Variants in AOAH observed in about 807,000 individuals in gnomAD.
The protein encoded by AOAH is acyloxyacyl hydrolase (neutrophil).
AOAH carries 64 observed loss-of-function variants against 92.2 expected under a neutral mutation model. That is an observed-to-expected ratio of 0.69 (90% confidence interval 0.57 to 0.86). The LOEUF (loss-of-function observed/expected upper bound fraction) is 0.86, where lower values mean the gene tolerates loss of function less well. Ranked by LOEUF, AOAH falls within the 40% of genes least tolerant of loss-of-function variation. AOAH has a pLI of 0.00. For synonymous variants in AOAH, 263 were observed against 254.5 expected (o/e 1.03, Z -0.32); for missense variants, 656 against 694.6 (o/e 0.94, Z 0.62).
Position 36,515,570 on chromosome 7 carries a change from C to A in AOAH, c.1600-2190G>T, listed in dbSNP as rs571809596. Among the ~76,000 whole-genome samples, 559 of 104,870 alleles carry A rather than the reference C, an allele frequency of 5.3e-3. 18 individuals are homozygous for A. The highest frequency in any genetic ancestry group is 0.02 in the African/African-American group (533 of 26,166). 68.8% of individuals were successfully genotyped at this position (104,870 alleles called of 152,430 possible). A position where few individuals can be genotyped will look rare whatever the true frequency, so the allele number is the denominator to read the frequency against. On this transcript the variant is annotated intron_variant, in intron 20 of 20. Coordinates refer to ENST00000617537, the MANE Select transcript of AOAH (RefSeq NM_001637.4). ...CACGCCACACACACATAATCACACC[C>A]CCCCCACACACCACACACATACCAC...
At chr7:36,610,126 C>CT (rs68170280) in intron 11 of AOAH, among the ~76,000 whole-genome samples, 50,251 of 89,254 alleles carry the variant, frequency 0.56, 11,669 homozygotes, top group Non-Finnish European at 0.61. Context: ...TTTCTTTTTT[C>CT]TTTTTTTTTT....
intron 2 of AOAH, among the ~76,000 whole-genome samples, chr7:36,684,647 C>T (rs893718221): frequency 3.9e-5 from 6 of 151,988 alleles, no homozygotes; most frequent in Non-Finnish European, 5.9e-5. Context: ...GGCACAGTGG[C>T]TCACAACACA....
rs1370637025 is a variant in AOAH at position 36,513,044 on chromosome 7, C to G, written c.*208G>C. 1 of 1,538,336 alleles carries G rather than the reference C, an allele frequency of 6.5e-7. No individual in the cohort carries two copies. The highest frequency in any genetic ancestry group is 8.7e-7 in the Non-Finnish European group (1 of 1,147,394). Reference sequence around the variant, plus strand: ...ACTTTATGAAAGGTTATTTCAGGAACAGCGGAAGGGTTACTGATCCCGGGA... The same window carrying G: ...ACTTTATGAAAGGTTATTTCAGGAAGAGCGGAAGGGTTACTGATCCCGGGA... On this transcript the variant is annotated 3_prime_UTR_variant, in exon 21 of 21. Transcript: ENST00000617537.
intron 13 of AOAH, among the ~76,000 whole-genome samples, chr7:36,568,810 G>A (rs1204962799): frequency 6.6e-6 from 1 of 152,062 alleles, no homozygotes; most frequent in African/African-American, 2.4e-5. Flanking sequence ...GGCCTGAATT[G>A]TGCCCCTTTT....
chr7:36,562,763 T>C (rs1248434117), intron 13 of AOAH, among the ~76,000 whole-genome samples: 1 of 152,160 alleles, frequency 6.6e-6, no homozygotes, highest in Non-Finnish European at 1.5e-5. Context: ...TTTGGTCCTG[T>C]AGCCAGAAAG....
intron 16 of AOAH, among the ~76,000 whole-genome samples, chr7:36,536,343 T>G (rs971009831): frequency 1.3e-5 from 2 of 152,220 alleles, no homozygotes; most frequent in Non-Finnish European, 2.9e-5. Flanking sequence ...ACCACATTTC[T>G]AGGCCCAAAT....
chr7:36,664,913 G>A (rs1161760242), intron 3 of AOAH, among the ~76,000 whole-genome samples: 3 of 152,018 alleles, frequency 2.0e-5, no homozygotes, highest in Admixed American at 2.0e-4. Flanking sequence ...AGAGTGAGGG[G>A]GAAAGTACCA....
intron 1 of AOAH, among the ~76,000 whole-genome samples, chr7:36,716,064 G>A (rs1160942909): frequency 1.3e-5 from 2 of 152,044 alleles, no homozygotes; most frequent in East Asian, 1.9e-4. Flanking sequence ...GAAAATTTTT[G>A]CAACCTACTC....
chr7:36,667,912 A>G (rs964199477), intron 3 of AOAH, among the ~76,000 whole-genome samples: 1 of 152,150 alleles, frequency 6.6e-6, no homozygotes, highest in Non-Finnish European at 1.5e-5. Context: ...AGCTTTCTCT[A>G]TCTCCTTTTA....
At chr7:36,555,639 A>G (rs1334830023) in intron 13 of AOAH, among the ~76,000 whole-genome samples, 5 of 151,986 alleles carry the variant, frequency 3.3e-5, no homozygotes, top group African/African-American at 4.8e-5. Flanking sequence ...TTGGTAAGCT[A>G]TTGATTATTG....
At chr7:36,677,562 T>C (rs1262474002) in intron 2 of AOAH, among the ~76,000 whole-genome samples, 1 of 152,204 alleles carries the variant, frequency 6.6e-6, no homozygotes, top group Non-Finnish European at 1.5e-5. Flanking sequence ...TACTATGTGA[T>C]CCAGCAATAT....
intron 9 of AOAH, among the ~76,000 whole-genome samples, chr7:36,618,819 T>A (rs953733457): frequency 2.0e-5 from 3 of 152,174 alleles, no homozygotes; most frequent in African/African-American, 7.2e-5. Context: ...CTGGAGACAT[T>A]TTTTGCTGGG....
At chr7:36,704,086 A>T (rs1798222302) in intron 1 of AOAH, among the ~76,000 whole-genome samples, 1 of 151,494 alleles carries the variant, frequency 6.6e-6, no homozygotes, top group African/African-American at 2.4e-5. Flanking sequence ...TTTGATTTGC[A>T]TTTCTCTAAT....
intron 1 of AOAH, among the ~76,000 whole-genome samples, chr7:36,711,744 C>T (rs575982972): frequency 9.9e-5 from 15 of 152,220 alleles, no homozygotes; most frequent in Non-Finnish European, 1.3e-4. Flanking sequence ...ATCTGCCTGG[C>T]CCATGAGGGT....
intron 9 of AOAH, among the ~76,000 whole-genome samples, chr7:36,620,085 G>A (rs888178831): frequency 6.6e-6 from 1 of 152,068 alleles, no homozygotes; most frequent in African/African-American, 2.4e-5. Flanking sequence ...AAAGGGAACT[G>A]AATTTCTGAG....
Position 36,657,742 on chromosome 7 carries a change from G to A in AOAH, c.390+1424C>T, listed in dbSNP as rs112373334. ...AATTCCCTTGCAGCCAGAGGCAGTC[G>A]AAATTTTACAGAGTTAGGAATTGAG... On this transcript the variant is annotated intron_variant, in intron 4 of 20. Transcript: ENST00000617537. Among the ~76,000 whole-genome samples, 1,227 of 152,298 alleles carry A rather than the reference G, an allele frequency of 8.1e-3. 16 individuals carry two copies. The highest frequency in any genetic ancestry group is 0.028 in the African/African-American group (1,165 of 41,562).
At chr7:36,582,492 A>T (rs996116614) in intron 12 of AOAH, among the ~76,000 whole-genome samples, 9 of 152,210 alleles carry the variant, frequency 5.9e-5, no homozygotes, top group African/African-American at 2.2e-4. Flanking sequence ...ATTCAAAATG[A>T]GTAAAACTCA....
intron 11 of AOAH, among the ~76,000 whole-genome samples, chr7:36,598,766 T>G (rs2718178): frequency 0.03 from 4,586 of 152,314 alleles, 171 homozygotes; most frequent in East Asian, 0.12. Context: ...AAATGTTTTA[T>G]AGACCCTAGC....
In AOAH at chr7:36,532,130, G is replaced by A; in HGVS notation, c.1425+17C>T. 1 of 1,613,814 alleles carries A rather than the reference G, an allele frequency of 6.2e-7. No homozygotes were observed. The highest frequency in any genetic ancestry group is 8.5e-7 in the Non-Finnish European group (1 of 1,179,682). ...GAATGATCAAAGATGGTATCAAAAG[G>A]CCTGTGACAGTCATACCTCTGAAGT... On this transcript the variant is annotated intron_variant, in intron 18 of 20. Coordinates refer to ENST00000617537, the MANE Select transcript of AOAH (RefSeq NM_001637.4).
Sources: allele counts gnomAD v4.1 joint callset (sites outside exome capture counted in the v4.1 genomes callset), GRCh38; gene constraint gnomAD v4.1.1; transcripts MANE v1.5; gene names NCBI Gene and HGNC (gene_info 2026-07-23, HGNC 2026-07-21).